The following MGLL variants were observed in gnomAD, a reference collection of about 807,000 sequenced individuals.
MGLL encodes monoglyceride lipase.
MGLL carries 7 observed loss-of-function variants against 29.1 expected under a neutral mutation model. That is an observed-to-expected ratio of 0.24 (90% CI 0.14 to 0.45). MGLL has a LOEUF of 0.45. MGLL is among the 20% of genes least tolerant of loss of function. The probability of loss-of-function intolerance (pLI) is 0.99; values close to 1 mark genes in which losing one functional copy is unlikely to be tolerated. For missense variants in MGLL, 356 were observed against 413.6 expected (o/e 0.86, Z 1.21); for synonymous variants, 148 against 168.3 (o/e 0.88, Z 0.93).
chr3:127,779,104 G>T (rs1252577310), intron 3 of MGLL, among the ~76,000 whole-genome samples: 1 of 142,172 alleles, frequency 7.0e-6, no homozygotes, highest in African/African-American at 2.5e-5. Context: ...AGTGGCTCAC[G>T]CCTGTAACCC....
chr3:127,786,921 G>A (rs2077224420), intron 2 of MGLL, among the ~76,000 whole-genome samples: 1 of 152,180 alleles, frequency 6.6e-6, no homozygotes, highest in Non-Finnish European at 1.5e-5. Flanking sequence ...GAGGTGTGGG[G>A]TAAAGCTCTG....
intron 6 of MGLL, among the ~76,000 whole-genome samples, chr3:127,704,309 T>C (rs2107596729): frequency 6.6e-6 from 1 of 152,298 alleles, no homozygotes; most frequent in African/African-American, 2.4e-5. Flanking sequence ...ATTCAGGACT[T>C]AGGCACGGGC....
chr3:127,762,253 G>A lies in MGLL; in HGVS notation c.262+19536C>T, dbSNP rs191714062. On this transcript the variant is annotated intron_variant, in intron 3 of 7. Coordinates refer to ENST00000265052, the MANE Select transcript of MGLL (RefSeq NM_007283.7). ...ACTGGGCTCTGCTCCTGAGCTCTCC[G>A]CGTCCTCCCCGCCTGCCCTGACGGT... is the stretch of plus-strand genomic sequence containing the variant. 7.1e-3 allele frequency among the ~76,000 whole-genome samples: 1,078 copies of A among 152,030 alleles called. 5 individuals carry two copies. The highest frequency in any genetic ancestry group is 9.7e-3 in the Non-Finnish European group (662 of 67,978).
At chr3:127,803,961 C>T (rs752518626) in intron 2 of MGLL, among the ~76,000 whole-genome samples, 1 of 152,134 alleles carries the variant, frequency 6.6e-6, no homozygotes, top group Non-Finnish European at 1.5e-5. Context: ...AATACACTGT[C>T]GCCTTGTTTT....
chr3:127,818,660 G>C (rs2077804654), intron 2 of MGLL, among the ~76,000 whole-genome samples: 1 of 152,182 alleles, frequency 6.6e-6, no homozygotes, highest in African/African-American at 2.4e-5. Flanking sequence ...TGTCCTGCTT[G>C]GTGGTGTAAG....
intron 6 of MGLL, among the ~76,000 whole-genome samples, chr3:127,708,896 A>G (rs1005938492): frequency 1.3e-5 from 2 of 152,258 alleles, no homozygotes; most frequent in Non-Finnish European, 1.5e-5. Flanking sequence ...TAAAACAGGA[A>G]ACAGAGCTTA....
chr3:127,822,480 G>C lies in MGLL; in HGVS notation c.-162C>G. 1.4e-6 allele frequency: 1 copy of C among 716,016 alleles called. No individual in the cohort carries two copies. Among genetic ancestry groups the C allele is most frequent in the Middle Eastern group, 3.5e-4 (1 of 2,898 alleles). 44.4% of individuals were successfully genotyped at this position (716,016 alleles called of 1,614,324 possible). Reference sequence around the variant, plus strand: ...GCCTTTCGGGCTGGGGCGCTCAGCCGGGAGCCTGCTTCCAGCTCCCACCGG... The same window carrying C: ...GCCTTTCGGGCTGGGGCGCTCAGCCCGGAGCCTGCTTCCAGCTCCCACCGG... On this transcript the variant is annotated 5_prime_UTR_variant, in exon 1 of 8. Coordinates refer to ENST00000265052, the MANE Select transcript of MGLL (RefSeq NM_007283.7).
intron 3 of MGLL, among the ~76,000 whole-genome samples, chr3:127,739,831 A>G (rs576536551): frequency 6.6e-6 from 1 of 152,286 alleles, no homozygotes; most frequent in South Asian, 2.1e-4. Flanking sequence ...GATGCTTTCT[A>G]CCATCCTCCA....
At chr3:127,777,373 G>A (rs1026659720) in intron 3 of MGLL, among the ~76,000 whole-genome samples, 1 of 152,208 alleles carries the variant, frequency 6.6e-6, no homozygotes, top group African/African-American at 2.4e-5. Flanking sequence ...CATTCTCTGT[G>A]TCTACCTTAC....
At chr3:127,785,859 C>T (rs2077203507) in intron 2 of MGLL, among the ~76,000 whole-genome samples, 2 of 152,212 alleles carry the variant, frequency 1.3e-5, no homozygotes. Context: ...GTGAGGAGCA[C>T]TGTGAGCACC....
chr3:127,708,025 G>T (rs1036477077), intron 6 of MGLL, among the ~76,000 whole-genome samples: 2 of 152,080 alleles, frequency 1.3e-5, no homozygotes, highest in South Asian at 4.1e-4. Context: ...CTCGATTCCC[G>T]GCCAGTGGCC....
At chr3:127,756,995 C>T (rs988049065) in intron 3 of MGLL, among the ~76,000 whole-genome samples, 6 of 152,208 alleles carry the variant, frequency 3.9e-5, no homozygotes, top group African/African-American at 1.4e-4. Context: ...TCCCCACTGT[C>T]CCCACCCTGT....
rs556500366 is a variant in MGLL, at chr3:127,736,011, A to G, written c.263-13445T>C. The G allele has an allele frequency of 2.8e-6, 4 of 1,417,202 alleles. No individual in the cohort carries two copies. The East Asian group carries it at 1.0e-4, about 36-fold the overall frequency. The allele number at this position is 1,417,202 out of a possible 1,614,324, so 87.8% of individuals were successfully genotyped here. On this transcript the variant is annotated intron_variant, in intron 3 of 7. Transcript: ENST00000265052. Reference sequence around the variant, plus strand: ...TTCACGCTAAAAGCTCCCAGGTTTAACATGGAACAGACCTTTTTATTTTCC... The same window carrying G: ...TTCACGCTAAAAGCTCCCAGGTTTAGCATGGAACAGACCTTTTTATTTTCC...
intron 3 of MGLL, among the ~76,000 whole-genome samples, chr3:127,778,778 G>C (rs971764904): frequency 5.3e-5 from 8 of 152,022 alleles, no homozygotes; most frequent in African/African-American, 1.9e-4. Context: ...TTTGAGACAG[G>C]ATCTTGCTCT....
At chr3:127,819,863 G>GC (rs1472652394) in intron 2 of MGLL, among the ~76,000 whole-genome samples, 1 of 152,012 alleles carries the variant, frequency 6.6e-6, no homozygotes, top group Non-Finnish European at 1.5e-5. Flanking sequence ...CCCCAAGACT[G>GC]CCCCAAGATC....
rs747499992 is a variant in MGLL, at chr3:127,761,656, C to G, written c.262+20133G>C. Among the ~76,000 whole-genome samples the G allele has an allele frequency of 1.9e-4, 29 of 152,210 alleles. No individual in the cohort carries two copies. Among genetic ancestry groups the G allele is most frequent in the Admixed American group, 1.3e-3 (20 of 15,286 alleles). On this transcript the variant is annotated intron_variant, in intron 3 of 7. Transcript: ENST00000265052. This position sits in a 1 kb window ranked among gnomAD's most constrained non-coding sequence, Gnocchi z 4.6. ...GGTTTCCTCTTTTGGCTGGTGAGGA[C>G]ACGGAGGCACAGAGAGGGCTGGCGC...
chr3:127,822,686 C>G (rs1039002321), upstream of MGLL: 1 of 295,220 alleles, frequency 3.4e-6, no homozygotes, highest in Non-Finnish European at 6.3e-6. Context: ...CGCACAAATG[C>G]GGGTGCCCAA....
At chr3:127,779,146 A>G (rs1475958933) in intron 3 of MGLL, among the ~76,000 whole-genome samples, 4 of 152,168 alleles carry the variant, frequency 2.6e-5, no homozygotes, top group Non-Finnish European at 4.4e-5. Context: ...AGAGTGGATC[A>G]CCTGAGGTCA....
At chr3:127,695,448 G>A (rs965559935) in intron 6 of MGLL, among the ~76,000 whole-genome samples, 1 of 152,250 alleles carries the variant, frequency 6.6e-6, no homozygotes. Flanking sequence ...GTATTGGCCA[G>A]GTGTGGTGGC....
Sources: allele counts gnomAD v4.1 joint callset (sites outside exome capture counted in the v4.1 genomes callset), GRCh38; gene constraint gnomAD v4.1.1; non-coding constraint Gnocchi (gnomAD v3.1); transcripts MANE v1.5; gene names NCBI Gene and HGNC (gene_info 2026-07-23, HGNC 2026-07-21).